The following DLG2 variants were observed in gnomAD, a reference collection of about 807,000 sequenced individuals.
DLG2 encodes the protein disks large homolog 2.
Under a neutral mutation model 132.5 loss-of-function variants are expected in DLG2, and 45 were observed. The ratio of observed to expected loss-of-function variants is 0.34; its 90% CI spans 0.27 to 0.44. DLG2 has a LOEUF of 0.44. Ranked by LOEUF, DLG2 falls within the 20% of genes least tolerant of loss-of-function variation. The probability of loss-of-function intolerance (pLI) is 1.00; values close to 1 mark genes in which losing one functional copy is unlikely to be tolerated. For synonymous variants in DLG2, 424 were observed against 419.6 expected (o/e 1.01, Z -0.13); for missense variants, 1,045 against 1,196.9 (o/e 0.87, Z 1.87).
rs143568728 is a variant in DLG2, at chr11:84,030,154, T to C, written c.919+29161A>G. Among the ~76,000 whole-genome samples, 1,285 of 152,248 alleles carry C rather than the reference T, an allele frequency of 8.4e-3. 8 individuals carry two copies. Among genetic ancestry groups the C allele is most frequent in the Middle Eastern group, 0.027 (8 of 294 alleles). ...ATTTTTCACTCACCAATATAAATTGTATGACCTTCTAGTAACTTAACTTTT... is the reference window on the plus strand; with the variant it reads ...ATTTTTCACTCACCAATATAAATTGCATGACCTTCTAGTAACTTAACTTTT... On this transcript the variant is annotated intron_variant, in intron 11 of 27. Coordinates refer to ENST00000376104, the MANE Select transcript of DLG2 (RefSeq NM_001142699.3).
chr11:85,320,105 A>G (rs1017633421), intron 3 of DLG2, among the ~76,000 whole-genome samples: 8 of 151,902 alleles, frequency 5.3e-5, no homozygotes, highest in Non-Finnish European at 8.9e-5. Context: ...AGCACATGCC[A>G]TCTTATAGAC....
At chr11:85,427,947 G>T (rs1303681109) in intron 3 of DLG2, among the ~76,000 whole-genome samples, 1 of 151,760 alleles carries the variant, frequency 6.6e-6, no homozygotes, top group East Asian at 1.9e-4. Flanking sequence ...CCAAGGAAAT[G>T]GAAAACAAAA....
chr11:84,798,591 AG>A (rs572587141), intron 6 of DLG2, among the ~76,000 whole-genome samples: 110 of 152,282 alleles, frequency 7.2e-4, no homozygotes, highest in African/African-American at 2.6e-3. Context: ...CCTCTGGCCC[AG>A]GGAATGTCCA....
chr11:85,238,469 C>G (rs1375713155), intron 4 of DLG2, among the ~76,000 whole-genome samples: 1 of 151,956 alleles, frequency 6.6e-6, no homozygotes, highest in East Asian at 1.9e-4. Flanking sequence ...TTCTCAAACT[C>G]CTGACCTCAG....
At chr11:84,699,768 T>C (rs1355378523) in intron 6 of DLG2, among the ~76,000 whole-genome samples, 1 of 151,562 alleles carries the variant, frequency 6.6e-6, no homozygotes, top group East Asian at 1.9e-4. Flanking sequence ...CTTTTCTACC[T>C]CTTTTTGCTT....
intron 6 of DLG2, among the ~76,000 whole-genome samples, chr11:84,586,194 G>T (rs2099529485): frequency 6.9e-6 from 1 of 145,198 alleles, no homozygotes; most frequent in Non-Finnish European, 1.5e-5. Flanking sequence ...TCATTGTGAT[G>T]GTGGATTTAT....
intron 11 of DLG2, among the ~76,000 whole-genome samples, chr11:84,013,737 C>T (rs1196977399): frequency 6.6e-6 from 1 of 151,710 alleles, no homozygotes; most frequent in Non-Finnish European, 1.5e-5. Flanking sequence ...TATGGTGGTG[C>T]ACGCCTGTAA....
intron 8 of DLG2, among the ~76,000 whole-genome samples, chr11:84,219,283 T>C (rs554204303): frequency 1.3e-5 from 2 of 152,202 alleles, no homozygotes; most frequent in East Asian, 1.9e-4. Context: ...AACTAGAACT[T>C]GAAGTCAAGT....
intron 6 of DLG2, among the ~76,000 whole-genome samples, chr11:84,815,327 T>C (rs2076980626): frequency 6.6e-6 from 1 of 152,076 alleles, no homozygotes; most frequent in Non-Finnish European, 1.5e-5. Flanking sequence ...TTTTTGACTG[T>C]CCCAGGACAT....
intron 15 of DLG2, among the ~76,000 whole-genome samples, chr11:83,901,343 A>G (rs2073369559): frequency 6.6e-6 from 1 of 152,158 alleles, no homozygotes; most frequent in Non-Finnish European, 1.5e-5. Flanking sequence ...GGGTAGGGGC[A>G]GAATGATATG....
intron 17 of DLG2, among the ~76,000 whole-genome samples, chr11:83,810,372 T>C (rs987722317): frequency 2.6e-5 from 4 of 152,120 alleles, no homozygotes; most frequent in Admixed American, 6.6e-5. Flanking sequence ...TATGTATACA[T>C]GTATATATGC....
intron 3 of DLG2, among the ~76,000 whole-genome samples, chr11:85,395,563 T>C (rs72951958): frequency 0.049 from 7,432 of 152,224 alleles, 239 homozygotes; most frequent in East Asian, 0.097. Context: ...AATACTGCAC[T>C]TTTCCCACAG....
chr11:83,519,188 C>T (rs766773903), intron 21 of DLG2, among the ~76,000 whole-genome samples: 22 of 152,204 alleles, frequency 1.4e-4, no homozygotes, highest in East Asian at 7.7e-4. Flanking sequence ...GGTTCTGCAG[C>T]GGGGTGTACT....
chr11:84,821,850 T>TG (rs921824497), intron 6 of DLG2, among the ~76,000 whole-genome samples: 2 of 151,760 alleles, frequency 1.3e-5, no homozygotes, highest in African/African-American at 4.8e-5. Flanking sequence ...GCTTGGTATA[T>TG]GGAGATTACA....
At chr11:84,352,234 C>A (rs1246077522) in intron 7 of DLG2, among the ~76,000 whole-genome samples, 1 of 152,122 alleles carries the variant, frequency 6.6e-6, no homozygotes, top group African/African-American at 2.4e-5. Flanking sequence ...AGTCCTAAAA[C>A]CTTGATTTCC....
intron 5 of DLG2, among the ~76,000 whole-genome samples, chr11:85,115,844 T>C (rs1695373585): frequency 6.6e-6 from 1 of 151,940 alleles, no homozygotes; most frequent in Non-Finnish European, 1.5e-5. Context: ...AAAGAATGAT[T>C]TTATGCTATA....
chr11:84,317,762 A>G (rs2098375764), intron 7 of DLG2, among the ~76,000 whole-genome samples: 1 of 152,198 alleles, frequency 6.6e-6, no homozygotes, highest in African/African-American at 2.4e-5. Context: ...GTCATGAAGT[A>G]ACTATATAAG....
intron 6 of DLG2, among the ~76,000 whole-genome samples, chr11:85,022,687 T>C (rs186802393): frequency 2.2e-4 from 33 of 152,242 alleles, no homozygotes; most frequent in African/African-American, 7.7e-4. Flanking sequence ...TCATCTTTGT[T>C]GTAATTCTCT....
chr11:83,611,615 A>G (rs887432836), intron 19 of DLG2, among the ~76,000 whole-genome samples: 17 of 152,256 alleles, frequency 1.1e-4, no homozygotes, highest in Non-Finnish European at 1.8e-4. Flanking sequence ...ATAACAGCAC[A>G]TCTTTTTCTT....
Sources: allele counts gnomAD v4.1 joint callset (sites outside exome capture counted in the v4.1 genomes callset), GRCh38; gene constraint gnomAD v4.1.1; transcripts MANE v1.5; gene names NCBI Gene and HGNC (gene_info 2026-07-23, HGNC 2026-07-21).